SHC4: variants seen among roughly 807,000 people sequenced by gnomAD.
SHC4 encodes the protein SHC-transforming protein 4.
A neutral mutation model predicts 69.4 loss-of-function variants in SHC4; 41 were observed. The ratio of observed to expected loss-of-function variants is 0.59; its 90% CI spans 0.46 to 0.77. SHC4 has a LOEUF of 0.77. Ranked by LOEUF, SHC4 falls within the 30% of genes least tolerant of loss-of-function variation. The pLI is 0.00. For missense variants in SHC4, 777 were observed against 783.8 expected, an observed-to-expected ratio of 0.99 and a Z score of 0.10; for synonymous variants, 318 against 299.3, an observed-to-expected ratio of 1.06 and a Z score of -0.64.
intron 4 of SHC4, chr15:48,878,861 T>C: frequency 1.1e-6 from 1 of 901,288 alleles, no homozygotes; most frequent in South Asian, 1.8e-5. Flanking sequence ...AAAATTTGTT[T>C]TTCAGAATAG....
At chr15:48,959,483 G>A (rs1223380836) in intron 1 of SHC4, among the ~76,000 whole-genome samples, 1 of 152,174 alleles carries the variant, frequency 6.6e-6, no homozygotes, top group African/African-American at 2.4e-5. Context: ...TGGATGAATG[G>A]ATTAGCAAAT....
Position 48,825,867 on chromosome 15 carries a change from C to A in SHC4, c.*104G>T, listed in dbSNP as rs1000334820. 7 of 1,373,598 alleles carry A rather than the reference C, an allele frequency of 5.1e-6. No individual in the cohort carries two copies. The highest frequency in any genetic ancestry group is 6.9e-6 in the Non-Finnish European group (7 of 1,010,612). 85.1% of individuals were successfully genotyped at this position (1,373,598 alleles called of 1,614,324 possible). A position where few individuals can be genotyped will look rare whatever the true frequency, so the allele number is the denominator to read the frequency against. ...GATGGTCTTGGAAAGATGCACTTCACAGTTTGTGCTCTATTTTATCTACAA... is the reference window on the plus strand; with the variant it reads ...GATGGTCTTGGAAAGATGCACTTCAAAGTTTGTGCTCTATTTTATCTACAA... On this transcript the variant is annotated 3_prime_UTR_variant, in exon 12 of 12. Transcript: ENST00000332408.
intron 2 of SHC4, among the ~76,000 whole-genome samples, chr15:48,906,884 C>T (rs1290611569): frequency 6.6e-6 from 1 of 152,188 alleles, no homozygotes; most frequent in Non-Finnish European, 1.5e-5. Flanking sequence ...TATCTTAAGG[C>T]TCAAATCAAA....
At chr15:48,928,273 AG>A (rs1351241449) in intron 1 of SHC4, among the ~76,000 whole-genome samples, 1 of 152,102 alleles carries the variant, frequency 6.6e-6, no homozygotes, top group Non-Finnish European at 1.5e-5. Flanking sequence ...TAGACCGAGG[AG>A]GTTTTGTAGT....
At chr15:48,950,983 T>C (rs1340042491) in intron 1 of SHC4, among the ~76,000 whole-genome samples, 2 of 152,068 alleles carry the variant, frequency 1.3e-5, no homozygotes, top group Non-Finnish European at 2.9e-5. Context: ...TCTCCCTAGG[T>C]GACCTGTCCT....
At chr15:48,909,829 T>G (rs1286533537) in intron 2 of SHC4, among the ~76,000 whole-genome samples, 1 of 152,232 alleles carries the variant, frequency 6.6e-6, no homozygotes, top group African/African-American at 2.4e-5. Flanking sequence ...ATTTTTATTT[T>G]TAATTTTATT....
At chr15:48,885,770 G>A (rs1046955477) in intron 3 of SHC4, among the ~76,000 whole-genome samples, 1 of 152,148 alleles carries the variant, frequency 6.6e-6, no homozygotes, top group Non-Finnish European at 1.5e-5. Flanking sequence ...CAAACAGTGT[G>A]AGGAAGGAGC....
In SHC4 at chr15:48,890,781, G is replaced by A; in HGVS notation, c.687C>T (p.Val229=). 9 of 1,614,112 alleles carry A rather than the reference G, an allele frequency of 5.6e-6. No individual in the cohort carries two copies. The highest frequency in any genetic ancestry group is 7.6e-6 in the Non-Finnish European group (9 of 1,180,026). ...TTTTAATGGCTCCATTTGCCCCGGG[G>A]ACAGCTTCACACAGGCGACTTATTG... is the stretch of plus-strand genomic sequence containing the variant. ...REAISRLCEA[V]PGANGAIKKR... Residue 229 remains valine (V), a synonymous_variant, in exon 3 of 12, where the codon GTC becomes GTT. Transcript: ENST00000332408.
chr15:48,838,105 G>T (rs1183631418), intron 10 of SHC4, among the ~76,000 whole-genome samples: 1 of 152,122 alleles, frequency 6.6e-6, no homozygotes, highest in African/African-American at 2.4e-5. Context: ...TCATACAATA[G>T]AATACTATAG....
chr15:48,900,128 A>G (rs950859331), intron 2 of SHC4, among the ~76,000 whole-genome samples: 1 of 152,156 alleles, frequency 6.6e-6, no homozygotes, highest in Non-Finnish European at 1.5e-5. Flanking sequence ...TTTGTTTTCA[A>G]TGTAGTCACT....
rs368901839 is a variant in SHC4, at chr15:48,880,985, A to AGAGTGTGT, written c.840+3262_840+3263insACACACTC. On this transcript the variant is annotated intron_variant, in intron 4 of 11. Coordinates refer to ENST00000332408, the MANE Select transcript of SHC4 (RefSeq NM_203349.4). ...AGGACTAAATGATGATGTGTGTGAG[A>AGAGTGTGT]GTGTGTGTGTGTGTGTGTGTGTGTG... Among the ~76,000 whole-genome samples the AGAGTGTGT allele has an allele frequency of 8.9e-5, 13 of 146,082 alleles. No homozygotes were observed. In the South Asian group the frequency reaches 1.3e-3, roughly 15 times the overall value.
At position 48,825,765 on chromosome 15, in the gene SHC4, C is replaced by G. The variant is rs908250789; in HGVS notation, c.*206G>C. The G allele has an allele frequency of 6.8e-5, 38 of 557,394 alleles. No individual in the cohort carries two copies. The highest frequency in any genetic ancestry group is 9.6e-5 in the Non-Finnish European group (32 of 333,868). The allele number at this position is 557,394 out of a possible 1,614,324, so 34.5% of individuals were successfully genotyped here. On this transcript the variant is annotated 3_prime_UTR_variant, in exon 12 of 12. Coordinates refer to ENST00000332408, the MANE Select transcript of SHC4 (RefSeq NM_203349.4). ...TATAATTTCTTTTAAAATGACCAAC[C>G]CTCTTCCTCTTTTCTGATTTTCATT...
At chr15:48,830,032 TATTTAC>T in intron 11 of SHC4, among the ~76,000 whole-genome samples, 1 of 152,346 alleles carries the variant, frequency 6.6e-6, no homozygotes, top group South Asian at 2.1e-4. Context: ...GAATTTAATA[TATTTAC>T]ATTTAAAGTA....
At chr15:48,888,806 G>C (rs1479234378) in intron 3 of SHC4, among the ~76,000 whole-genome samples, 1 of 143,420 alleles carries the variant, frequency 7.0e-6, no homozygotes, top group Non-Finnish European at 1.5e-5. Context: ...GAGGCATTGA[G>C]AATCGTTTGA....
chr15:48,882,157 C>T (rs13379815), intron 4 of SHC4, among the ~76,000 whole-genome samples: 3,010 of 152,190 alleles, frequency 0.02, 71 homozygotes, highest in East Asian at 0.068. Context: ...TCTTTGCTGC[C>T]TTCATTTCTT....
At chr15:48,837,034 T>G (rs1898911763) in intron 10 of SHC4, among the ~76,000 whole-genome samples, 1 of 152,172 alleles carries the variant, frequency 6.6e-6, no homozygotes, top group African/African-American at 2.4e-5. Context: ...CATGTGTGTG[T>G]TTGTGTGTGT....
In SHC4 at chr15:48,834,801, T is replaced by G. The variant is rs994823956; in HGVS notation, c.1705A>C (p.Lys569Gln). 8 of 1,614,040 alleles carry G rather than the reference T, an allele frequency of 5.0e-6. No individual in the cohort carries two copies. The highest frequency in any genetic ancestry group is 6.8e-6 in the Non-Finnish European group (8 of 1,180,016). Residue 569 changes from lysine to glutamine, a missense_variant, in exon 11 of 12, where the codon AAA becomes CAA. Lys to Gln is a moderately conservative substitution (Grantham distance 53). Transcript: ENST00000332408. Reference protein sequence around the residue: ...VLSGLQGGQAKHLLLVDPEGK... With the variant: ...VLSGLQGGQAQHLLLVDPEGK... ...TCAGGATCCACCAGGAGAAGATGTTTTGCTTGGCCTCCCTGTAGTCCACTC... is the reference window on the plus strand; with the variant it reads ...TCAGGATCCACCAGGAGAAGATGTTGTGCTTGGCCTCCCTGTAGTCCACTC...
At chr15:48,898,201 G>T (rs1381749829) in intron 2 of SHC4, among the ~76,000 whole-genome samples, 1 of 152,180 alleles carries the variant, frequency 6.6e-6, no homozygotes, top group Non-Finnish European at 1.5e-5. Context: ...TGAAATTAAA[G>T]ACATCCAAGA....
At chr15:48,864,436 CTTTTTTTTTTTTTTTT>C (rs35549079) in intron 6 of SHC4, among the ~76,000 whole-genome samples, 3 of 55,008 alleles carry the variant, frequency 5.5e-5, no homozygotes, top group Non-Finnish European at 9.6e-5. Context: ...ATACCACTTT[CTTTTTTTTTTTTTTTT>C]TTTTTTTTTT....
Sources: gnomAD v4.1 joint callset for allele counts (sites outside exome capture counted in the v4.1 genomes callset) on GRCh38, gnomAD v4.1.1 for gene constraint, MANE v1.5 for transcripts, NCBI Gene and HGNC (gene_info 2026-07-23, HGNC 2026-07-21) for gene names.